PKD1: variants seen among roughly 807,000 people sequenced by gnomAD.
PKD1 encodes the protein polycystin-1.
A neutral mutation model predicts 361.7 loss-of-function variants in PKD1; 81 were observed. The ratio of observed to expected loss-of-function variants is 0.22; its 90% CI spans 0.19 to 0.27. The LOEUF (loss-of-function observed/expected upper bound fraction) is 0.27. Ranked by LOEUF, PKD1 falls within the 10% of genes least tolerant of loss-of-function variation. The pLI is 1.00. For missense variants in PKD1, 6,399 were observed against 6,118.3 expected, an observed-to-expected ratio of 1.05 and a Z score of -1.53; for synonymous variants, 3,615 against 2,818.3, an observed-to-expected ratio of 1.28 and a Z score of -8.95.
intron 37 of PKD1, 58 bp downstream of exon 37, chr16:2,093,486 T>C: frequency 6.8e-7 from 1 of 1,468,012 alleles, no homozygotes; most frequent in Admixed American, 1.9e-5. Context: ...CGTGCATGGG[T>C]GGGAGGTGGG....
chr16:2,112,920 T>C lies in PKD1; in HGVS notation c.3029A>G (p.Asn1010Ser), dbSNP rs149041162. The change falls in exon 13 of 46, where the codon AAC becomes AGC. Residue 1010 changes from asparagine (N) to serine (S), a missense_variant. Coordinates refer to ENST00000262304, the MANE Select transcript of PKD1 (RefSeq NM_001009944.3). ...CCTGTTCATCCGCTCCACGGTTACG[T>C]TGTAGTTCACGGTGACGTTGCTCAC... ...NHVSNVTVNY[N>S]VTVERMNRMQ... is the part of the protein sequence containing the mutation. The C allele has an allele frequency of 7.5e-6, 12 of 1,605,176 alleles. No homozygotes were observed. The highest frequency in any genetic ancestry group is 6.7e-5 in the African/African-American group (5 of 74,842).
Position 2,103,415 on chromosome 16 carries a change from T to A in PKD1, c.8642A>T (p.Asp2881Val). 6.3e-7 allele frequency: 1 copy of A among 1,599,262 alleles called. No individual in the cohort carries two copies. The highest frequency in any genetic ancestry group is 1.1e-5 in the South Asian group (1 of 90,976). The change falls in exon 23 of 46, where the codon GAC becomes GTC. Residue 2881 changes from aspartate to valine, a missense_variant. By Grantham distance (152) the Asp-to-Val change is radical. Coordinates refer to ENST00000262304, the MANE Select transcript of PKD1 (RefSeq NM_001009944.3). Reference sequence around the variant, plus strand: ...GCTGCGGTGGCCCCGGGCAGCCCAGTCCGAGTTGTTGGGCACCTTCACGGT... The same window carrying A: ...GCTGCGGTGGCCCCGGGCAGCCCAGACCGAGTTGTTGGGCACCTTCACGGT... ...AITVKVPNNS[D>V]WAARGHRSSA... is the part of the protein sequence containing the mutation.
In PKD1 at chr16:2,111,293, A is replaced by G. The variant is rs766094991; in HGVS notation, c.3874T>C (p.Phe1292Leu). 1 of 1,609,502 alleles carries G rather than the reference A, an allele frequency of 6.2e-7. No homozygotes were observed. The highest frequency in any genetic ancestry group is 8.5e-7 in the Non-Finnish European group (1 of 1,179,392). ...TCAACGCGCAGCACCTCCAGGACGA[A>G]GACCAGCACGTGCAGGCTCCGGGCC... ...HLARSLHVLV[F>L]VLEVLRVEPA... The change falls in exon 15 of 46, where the codon TTC becomes CTC. Residue 1292 changes from phenylalanine to leucine, a missense_variant. Coordinates refer to ENST00000262304, the MANE Select transcript of PKD1 (RefSeq NM_001009944.3).
In PKD1 at chr16:2,097,173, T is replaced by A; in HGVS notation, c.10474A>T (p.Met3492Leu). 1 of 1,552,154 alleles carries A rather than the reference T, an allele frequency of 6.4e-7. No homozygotes were observed. The highest frequency in any genetic ancestry group is 1.4e-5 in the African/African-American group (1 of 73,062). The stretch of plus-strand genomic sequence containing the variant: ...AGGCTGCTGAGCAGGTCCGTTTCCA[T>A]GTGGGTGTCTTGGGTAGGGGCTGGG... Reference protein sequence around the residue: ...SSPAPTQDTHMETDLLSSLSS... With the variant: ...SSPAPTQDTHLETDLLSSLSS... The change falls in exon 34 of 46, where the codon ATG becomes TTG. Residue 3492 changes from methionine to leucine, a missense_variant. Met to Leu is a conservative substitution (Grantham distance 15). Transcript: ENST00000262304.
chr16:2,106,258 C>G lies in PKD1; in HGVS notation c.7536G>C (p.Leu2512=). 6.2e-7 allele frequency: 1 copy of G among 1,610,280 alleles called. No individual in the cohort carries two copies. Among genetic ancestry groups the G allele is most frequent in the Non-Finnish European group, 8.5e-7 (1 of 1,179,578 alleles). The part of the protein sequence containing the change: ...EDAGAPLVYA[L]LLRRCRQGHC... ...GGCCCTGGCGACAGCGCCGCAGCAG[C>G]AGGGCGTACACCAGCGGGGCGCCAG... is the stretch of plus-strand genomic sequence containing the variant. The change falls in exon 19 of 46, where the codon CTG becomes CTC. Residue 2512 remains leucine (L), a synonymous_variant. Coordinates refer to ENST00000262304, the MANE Select transcript of PKD1 (RefSeq NM_001009944.3). The surrounding 1 kb of genome is among the most constrained non-coding windows in gnomAD (Gnocchi z 6.5).
chr16:2,134,313 G>A (rs961725351), intron 1 of PKD1, among the ~76,000 whole-genome samples: 2 of 119,674 alleles, frequency 1.7e-5, no homozygotes, highest in African/African-American at 8.0e-5. Flanking sequence ...CTCCCCTAAG[G>A]AAGGGTGGCC....
chr16:2,117,293 G>A (rs1463197223), intron 6 of PKD1, among the ~76,000 whole-genome samples, 196 bp downstream of exon 6: 1 of 152,174 alleles, frequency 6.6e-6, no homozygotes, highest in African/African-American at 2.4e-5. Context: ...AGGAGTGTCC[G>A]GAGGCTGCCC....
At chr16:2,135,072 T>C (rs1355494592) in intron 1 of PKD1, 1 of 972,470 alleles carries the variant, frequency 1.0e-6, no homozygotes, top group Non-Finnish European at 1.2e-6. Context: ...TGCACATCCA[T>C]CAAATCCTTT....
chr16:2,103,321 G>A lies in PKD1; in HGVS notation c.8736C>T (p.Asp2912=). The A allele has an allele frequency of 5.6e-6, 9 of 1,607,966 alleles. No individual in the cohort carries two copies. In the South Asian group the frequency reaches 7.7e-5, roughly 14 times the overall value. Residue 2912 remains aspartate, a synonymous_variant, in exon 23 of 46, where the codon GAC becomes GAT. Coordinates refer to ENST00000262304, the MANE Select transcript of PKD1 (RefSeq NM_001009944.3). Reference sequence around the variant, plus strand: ...GCAGCCCGGCCGCAGGGTTGCTGCTGTCCAGGGTGACCACAGCACCGACGG... The same window carrying A: ...GCAGCCCGGCCGCAGGGTTGCTGCTATCCAGGGTGACCACAGCACCGACGG... The part of the protein sequence containing the change: ...QASVGAVVTL[D]SSNPAAGLHL...
chr16:2,097,071 C>G (rs564219323), intron 34 of PKD1, 77 bp downstream of exon 34: 8 of 910,636 alleles, frequency 8.8e-6, no homozygotes, highest in Admixed American at 4.0e-5. Context: ...CTACCCCAGG[C>G]GGGAACCACG....
Position 2,118,870 on chromosome 16 carries a change from G to C in PKD1, c.360-25C>G. 6.3e-7 allele frequency: 1 copy of C among 1,585,246 alleles called. No individual in the cohort carries two copies. On this transcript the variant is annotated intron_variant, in intron 3 of 45. Coordinates refer to ENST00000262304, the MANE Select transcript of PKD1 (RefSeq NM_001009944.3). This position sits in a 1 kb window ranked among gnomAD's most constrained non-coding sequence, Gnocchi z 6.0. ...TCTGCAGGGCAGGGGCAGGTGTTGGGGACCAGGTCTGGTGGGAAGGGTCTA... is the reference window on the plus strand; with the variant it reads ...TCTGCAGGGCAGGGGCAGGTGTTGGCGACCAGGTCTGGTGGGAAGGGTCTA...
Position 2,103,511 on chromosome 16 carries a change from G to C in PKD1, c.8546C>G (p.Ala2849Gly). The change falls in exon 23 of 46, where the codon GCC (alanine) becomes GGC (glycine). Residue 2849 changes from alanine to glycine, a missense_variant. Transcript: ENST00000262304. ...GGCCTGTGTCTGGAATGCCATCGAG[G>C]CCACCTTGGTGGAGACGGTGTAGTT... The part of the protein sequence containing the change: ...ISNYTVSTKV[A>G]SMAFQTQAGA... 3 of 1,605,654 alleles carry C rather than the reference G, an allele frequency of 1.9e-6. No homozygotes were observed. Among genetic ancestry groups the C allele is most frequent in the Non-Finnish European group, 1.7e-6 (2 of 1,179,700 alleles).
intron 34 of PKD1, among the ~76,000 whole-genome samples, chr16:2,096,414 T>G (rs533643227): frequency 6.6e-6 from 1 of 152,362 alleles, no homozygotes; most frequent in South Asian, 2.1e-4. Context: ...GTGGGTGCGC[T>G]CCGCCGCCGG....
Position 2,103,378 on chromosome 16 carries a change from G to T in PKD1, c.8679C>A (p.Ser2893=). ...AARGHRSSAN[S]ANSVVVQPQA... is the part of the protein sequence containing the mutation. ...GGGGCTGGACCACAACGGAGTTGGC[G>T]GAGTTGGCGGAGCTGCGGTGGCCCC... Residue 2893 remains serine, a synonymous_variant, in exon 23 of 46, where the codon TCC becomes TCA. Transcript: ENST00000262304. The T allele has an allele frequency of 6.2e-7, 1 of 1,601,692 alleles. No homozygotes were observed. Among genetic ancestry groups the T allele is most frequent in the African/African-American group, 1.3e-5 (1 of 74,976 alleles).
rs747223671 is a variant in PKD1 at position 2,090,302 on chromosome 16, G to C, written c.12427C>G (p.Leu4143Val). ...FLRRLRLWMGLSKVKEFRHKV... is the reference protein window; with the variant it reads ...FLRRLRLWMGVSKVKEFRHKV... ...GTACCCACCTCCTTGACCTTGCTGAGGCCCATCCAGAGGCGCAGCCTGCGC... is the reference window on the plus strand; with the variant it reads ...GTACCCACCTCCTTGACCTTGCTGACGCCCATCCAGAGGCGCAGCCTGCGC... Residue 4143 changes from leucine (L) to valine (V), a missense_variant, in exon 45 of 46, where the codon CTC becomes GTC. Leu to Val is a conservative substitution (Grantham distance 32, BLOSUM62 1). Coordinates refer to ENST00000262304, the MANE Select transcript of PKD1 (RefSeq NM_001009944.3). The C allele has an allele frequency of 3.1e-6, 5 of 1,610,730 alleles. No homozygotes were observed. Among genetic ancestry groups the C allele is most frequent in the Non-Finnish European group, 4.2e-6 (5 of 1,178,612 alleles).
rs570557165 is a variant in PKD1 at position 2,089,507 on chromosome 16, G to A, written c.*220C>T. On this transcript the variant is annotated 3_prime_UTR_variant, in exon 46 of 46. Coordinates refer to ENST00000262304, the MANE Select transcript of PKD1 (RefSeq NM_001009944.3). Reference sequence around the variant, plus strand: ...AGGCTAGAAACCGTCCAATACTGCTGTGTCCTTCCCAAGGGAGCTGGGGAG... The same window carrying A: ...AGGCTAGAAACCGTCCAATACTGCTATGTCCTTCCCAAGGGAGCTGGGGAG... 18 of 604,210 alleles carry A rather than the reference G, an allele frequency of 3.0e-5. No homozygotes were observed. Among genetic ancestry groups the A allele is most frequent in the Admixed American group, 2.8e-5 (1 of 35,214 alleles). The allele number at this position is 604,210 out of a possible 1,614,324, so 37.4% of individuals were successfully genotyped here. A position where few individuals can be genotyped will look rare whatever the true frequency, so the allele number is the denominator to read the frequency against.
In PKD1 at chr16:2,093,854, C is replaced by T; in HGVS notation, c.10778G>A (p.Ser3593Asn). 3.8e-6 allele frequency: 6 copies of T among 1,567,154 alleles called. No individual in the cohort carries two copies. The highest frequency in any genetic ancestry group is 5.2e-6 in the Non-Finnish European group (6 of 1,162,298). ...GAGGAATGAGGCCAGGAAGCTGGCGCTGCTGGACAGGAGCCACGCAACACT... is the reference window on the plus strand; with the variant it reads ...GAGGAATGAGGCCAGGAAGCTGGCGTTGCTGGACAGGAGCCACGCAACACT... ...GVSVAWLLSS[S>N]ASFLASFLGW... Residue 3593 changes from serine to asparagine, a missense_variant, in exon 36 of 46, where the codon AGC (serine) becomes AAC (asparagine). By Grantham distance (46) the Ser-to-Asn change is conservative (BLOSUM62 1). Coordinates refer to ENST00000262304, the MANE Select transcript of PKD1 (RefSeq NM_001009944.3).
chr16:2,126,755 G>A (rs1407813639), intron 1 of PKD1, among the ~76,000 whole-genome samples: 12 of 152,260 alleles, frequency 7.9e-5, no homozygotes, highest in Admixed American at 7.8e-4. Context: ...AAGAACATGT[G>A]TGTCTCCCTC....
At chr16:2,126,240 G>C in intron 1 of PKD1, among the ~76,000 whole-genome samples, 1 of 152,272 alleles carries the variant, frequency 6.6e-6, no homozygotes, top group East Asian at 1.9e-4. Flanking sequence ...CTGGGCATGG[G>C]CTTGCCCCAG....
Sources: allele counts gnomAD v4.1 joint callset (sites outside exome capture counted in the v4.1 genomes callset), GRCh38; gene constraint gnomAD v4.1.1; non-coding constraint Gnocchi (gnomAD v3.1); transcripts MANE v1.5; gene names NCBI Gene and HGNC (gene_info 2026-07-23, HGNC 2026-07-21).